The following ULK1 variants were observed in gnomAD, a reference collection of about 807,000 sequenced individuals.
The protein encoded by ULK1 is unc-51 like autophagy activating kinase 1.
In ULK1, 48 loss-of-function variants were observed where a neutral mutation model predicts 117.5. The observed-to-expected ratio is 0.41, with a 90% CI of 0.32 to 0.52. The LOEUF (loss-of-function observed/expected upper bound fraction) is 0.52. Ranked by LOEUF, ULK1 falls within the 20% of genes least tolerant of loss-of-function variation. ULK1 has a pLI of 0.29. For synonymous variants in ULK1, 790 were observed against 637.8 expected (o/e 1.24, Z -3.60); for missense variants, 1,387 against 1,473.4 (o/e 0.94, Z 0.96).
At chr12:131,900,081 C>T (rs1889024611) in intron 3 of ULK1, among the ~76,000 whole-genome samples, 1 of 139,448 alleles carries the variant, frequency 7.2e-6, no homozygotes, top group African/African-American at 2.8e-5. Flanking sequence ...TGCGCCGCTG[C>T]ACTCCAGCCT....
Position 131,919,365 on chromosome 12 carries a change from C to T in ULK1, c.2665C>T (p.Leu889=). 7 of 1,331,574 alleles carry T rather than the reference C, an allele frequency of 5.3e-6. No homozygotes were observed. Among genetic ancestry groups the T allele is most frequent in the Non-Finnish European group, 7.0e-6 (7 of 1,005,876 alleles). 82.5% of individuals were successfully genotyped at this position (1,331,574 alleles called of 1,614,324 possible). ...GAGTGTGGTGGCCGACCAGATCAGC[C>T]TGCTGAGCCGAGAATGGGGGTGGGT... The part of the protein sequence containing the change: ...QESVVADQIS[L]LSREWGFAEQ... Residue 889 remains leucine, a synonymous_variant, in exon 24 of 28, where the codon CTG becomes TTG. Coordinates refer to ENST00000321867, the MANE Select transcript of ULK1 (RefSeq NM_003565.4).
Position 131,919,854 on chromosome 12 carries a change from C to CACCCTCAA in ULK1, c.2804-125_2804-124insACCCTCAA. On this transcript the variant is annotated intron_variant, in intron 25 of 27. Transcript: ENST00000321867. ...GAGCCTGGCCACACCCTCAAGGCCA[C>CACCCTCAA]GGGGAGCCAGGGCTGTGGCAGGGAG... 3 of 1,407,596 alleles carry CACCCTCAA rather than the reference C, an allele frequency of 2.1e-6. No individual in the cohort carries two copies. The South Asian group carries it at 4.2e-5, about 20-fold the overall frequency. 87.2% of individuals were successfully genotyped at this position (1,407,596 alleles called of 1,614,324 possible). A position where few individuals can be genotyped will look rare whatever the true frequency, so the allele number is the denominator to read the frequency against.
chr12:131,915,850 C>T (rs763608961), intron 18 of ULK1, 41 bp from the exon 19 acceptor site: 162 of 1,601,592 alleles, frequency 1.0e-4, no homozygotes, highest in Non-Finnish European at 1.1e-4. Context: ...AGGGCTGGGC[C>T]GCCGGACCGG....
chr12:131,909,331 CCA>C (rs1483252412), intron 8 of ULK1, 94 bp downstream of exon 8: 11 of 1,354,322 alleles, frequency 8.1e-6, no homozygotes, highest in African/African-American at 1.5e-5. Context: ...TGCCCGCGCC[CCA>C]CGAGCTCCCC....
chr12:131,909,689 CCGACTGGGGA>C, intron 8 of ULK1, 76 bp from the exon 9 acceptor site: 1 of 1,369,940 alleles, frequency 7.3e-7, no homozygotes, highest in Non-Finnish European at 9.7e-7. Flanking sequence ...GGGGCAGGGG[CCGACTGGGGA>C]CGAACGCACC....
intron 22 of ULK1, among the ~76,000 whole-genome samples, chr12:131,918,083 A>G (rs1350526306): frequency 1.3e-5 from 2 of 152,150 alleles, no homozygotes; most frequent in African/African-American, 2.4e-5. Context: ...CCAGCCCCAT[A>G]GCGAGGATGG....
chr12:131,907,062 G>T, intron 4 of ULK1, 138 bp downstream of exon 4: 1 of 1,214,042 alleles, frequency 8.2e-7, no homozygotes. Context: ...TGTCGCCCAG[G>T]CTGGAGTGCA....
intron 3 of ULK1, among the ~76,000 whole-genome samples, chr12:131,896,250 C>A (rs891857482): frequency 2.0e-5 from 3 of 152,154 alleles, no homozygotes; most frequent in Admixed American, 2.0e-4. Flanking sequence ...GGGGAGGGGC[C>A]GCCGGAGACT....
chr12:131,900,400 G>A (rs1235881734), intron 3 of ULK1, among the ~76,000 whole-genome samples: 11 of 152,218 alleles, frequency 7.2e-5, no homozygotes, highest in African/African-American at 2.7e-4. Flanking sequence ...TGAGTGCCTG[G>A]GAAGTGTGTG....
At chr12:131,896,127 C>T (rs1469733534) in intron 3 of ULK1, among the ~76,000 whole-genome samples, 3 of 152,198 alleles carry the variant, frequency 2.0e-5, no homozygotes, top group African/African-American at 7.2e-5. Context: ...GTCCGGCGTC[C>T]CCGGCTGGCC....
intron 15 of ULK1, 63 bp from the exon 16 acceptor site, chr12:131,914,289 T>A: frequency 6.3e-7 from 1 of 1,581,218 alleles, no homozygotes; most frequent in Non-Finnish European, 8.6e-7. Flanking sequence ...GTGCCCCAGC[T>A]CCATGACCTC....
In ULK1 at chr12:131,919,461, G is replaced by C; in HGVS notation, c.2685-11G>C. 3 of 1,607,794 alleles carry C rather than the reference G, an allele frequency of 1.9e-6. No individual in the cohort carries two copies. The South Asian group carries it at 3.3e-5, about 18-fold the overall frequency. ...CCAACCGGCCTCCTCTGATCTGCCT[G>C]CCGCCCCCAGCTTCGCGGAACAGCT... On this transcript the variant is annotated splice_polypyrimidine_tract_variant and intron_variant, in intron 24 of 27. Transcript: ENST00000321867.
At chr12:131,907,130 C>T (rs550842799) in intron 4 of ULK1, among the ~76,000 whole-genome samples, 1 of 152,346 alleles carries the variant, frequency 6.6e-6, no homozygotes, top group Non-Finnish European at 1.5e-5. Flanking sequence ...ATCCTCCTGC[C>T]TCAGCCTCCC....
intron 3 of ULK1, among the ~76,000 whole-genome samples, chr12:131,904,478 G>A (rs979390370): frequency 6.6e-6 from 1 of 152,152 alleles, no homozygotes. Context: ...GTGAGAGGTG[G>A]CTGCCTTAGT....
In ULK1 at chr12:131,915,949, C is replaced by T. The variant is rs373668023; in HGVS notation, c.1668C>T (p.Ser556=). Reference sequence around the variant, plus strand: ...CCGGGCTGGGCTGCCGCCTGCACAGCGCCCCCAACCTGTCTGACTTGCACG... The same window carrying T: ...CCGGGCTGGGCTGCCGCCTGCACAGTGCCCCCAACCTGTCTGACTTGCACG... ...RTSGLGCRLH[S]APNLSDLHVV... The change falls in exon 19 of 28, where the codon AGC becomes AGT. Residue 556 remains serine, a synonymous_variant. Coordinates refer to ENST00000321867, the MANE Select transcript of ULK1 (RefSeq NM_003565.4). 1.3e-4 allele frequency: 204 copies of T among 1,612,372 alleles called. No individual in the cohort carries two copies. The highest frequency in any genetic ancestry group is 2.7e-4 in the East Asian group (12 of 44,888).
intron 11 of ULK1, 142 bp downstream of exon 11, chr12:131,910,446 C>T (rs1250203793): frequency 1.5e-6 from 2 of 1,374,836 alleles, no homozygotes; most frequent in African/African-American, 1.4e-5. Flanking sequence ...GGACACCCGG[C>T]TCCTTGCTCT....
chr12:131,895,956 C>A, intron 3 of ULK1, 132 bp downstream of exon 3: 2 of 1,172,206 alleles, frequency 1.7e-6, no homozygotes, highest in Non-Finnish European at 2.5e-6. Context: ...AGACTCCACC[C>A]TGGGTCCAGG....
chr12:131,916,950 C>T lies in ULK1; in HGVS notation c.2073-3C>T. On this transcript the variant is annotated splice_polypyrimidine_tract_variant and splice_region_variant and intron_variant, in intron 20 of 27. Coordinates refer to ENST00000321867, the MANE Select transcript of ULK1 (RefSeq NM_003565.4). ...CCCAGCACAGCCCTGCACACTCCCA[C>T]AGGTCTTTCAGCACCAGCCGCCTCA... 6.2e-7 allele frequency: 1 copy of T among 1,609,464 alleles called. No individual in the cohort carries two copies. Among genetic ancestry groups the T allele is most frequent in the South Asian group, 1.1e-5 (1 of 90,622 alleles).
In ULK1 at chr12:131,916,982, T is replaced by C; in HGVS notation, c.2102T>C (p.Leu701Pro). The C allele has an allele frequency of 6.2e-7, 1 of 1,607,828 alleles. No individual in the cohort carries two copies. Among genetic ancestry groups the C allele is most frequent in the Non-Finnish European group, 8.5e-7 (1 of 1,178,044 alleles). ...RSFSTSRLTD[L>P]LLKAAFGTQA... ...TTCAGCACCAGCCGCCTCACTGACC[T>C]GCTCCTTAAGGCGGCGTTTGGGACA... The change falls in exon 21 of 28, where the codon CTG (leucine) becomes CCG (proline). Residue 701 changes from leucine (L) to proline (P), a missense_variant. Coordinates refer to ENST00000321867, the MANE Select transcript of ULK1 (RefSeq NM_003565.4).
Sources: gnomAD v4.1 joint callset for allele counts (sites outside exome capture counted in the v4.1 genomes callset) on GRCh38, gnomAD v4.1.1 for gene constraint, MANE v1.5 for transcripts, NCBI Gene and HGNC (gene_info 2026-07-23, HGNC 2026-07-21) for gene names.